SAMTOR: variants seen among roughly 807,000 people sequenced by gnomAD.
The protein encoded by SAMTOR is S-adenosylmethionine sensor upstream of mTORC1.
chr7:112,840,940 A>G, the SAMTOR span, among the ~76,000 whole-genome samples: 17 of 152,152 alleles, frequency 1.1e-4, no homozygotes, highest in African/African-American at 3.4e-4. Flanking sequence ...TCTCAAAATC[A>G]TAAGAGCTAT....
chr7:112,886,517 C>A, the SAMTOR span, among the ~76,000 whole-genome samples: 1 of 152,172 alleles, frequency 6.6e-6, no homozygotes, highest in Admixed American at 6.5e-5. Context: ...AGAAAGGAAA[C>A]AACCTAAATG....
At chr7:112,875,783 T>C in the SAMTOR span, among the ~76,000 whole-genome samples, 10 of 152,232 alleles carry the variant, frequency 6.6e-5, no homozygotes, top group Non-Finnish European at 1.5e-4. Flanking sequence ...TGTATCCCAC[T>C]GATGACTGAC....
chr7:112,856,094 T>C, the SAMTOR span, among the ~76,000 whole-genome samples: 1 of 152,080 alleles, frequency 6.6e-6, no homozygotes, highest in Non-Finnish European at 1.5e-5. Flanking sequence ...GCCATGAATA[T>C]AAACGAGTAT....
the SAMTOR span, among the ~76,000 whole-genome samples, chr7:112,902,416 C>CAAAAAAAAAACAA: frequency 4.9e-4 from 6 of 12,314 alleles, no homozygotes; most frequent in Non-Finnish European, 5.7e-4. Context: ...AACTCCGTCT[C>CAAAAAAAAAACAA]AAAAAAAAAA....
chr7:112,928,134 C>A, the SAMTOR span, among the ~76,000 whole-genome samples: 2 of 151,866 alleles, frequency 1.3e-5, no homozygotes, highest in Non-Finnish European at 2.9e-5. Context: ...AATGCAACTG[C>A]CTTTGTAAAA....
chr7:112,836,928 TC>T, the SAMTOR span, among the ~76,000 whole-genome samples: 46 of 152,082 alleles, frequency 3.0e-4, 1 homozygote, highest in Non-Finnish European at 6.2e-4. Context: ...TGATTTGGGC[TC>T]TTTTCTGGTT....
chr7:112,850,157 C>T, the SAMTOR span, among the ~76,000 whole-genome samples: 34,709 of 151,914 alleles, frequency 0.23, 4,567 homozygotes, highest in Middle Eastern at 0.43. Flanking sequence ...GCCAATATTG[C>T]GCCATTGCAC....
At chr7:112,820,074 G>A in the SAMTOR span, 3 of 152,352 alleles carry the variant, frequency 2.0e-5, no homozygotes, top group East Asian at 3.9e-4. Context: ...GAAAAATTTC[G>A]AGTTATTTGT....
At chr7:112,902,140 T>C in the SAMTOR span, among the ~76,000 whole-genome samples, 3 of 152,004 alleles carry the variant, frequency 2.0e-5, no homozygotes, top group South Asian at 6.2e-4. Context: ...TGGTGGCTCA[T>C]GCCTGTAATC....
the SAMTOR span, among the ~76,000 whole-genome samples, chr7:112,920,656 A>G: frequency 6.9e-6 from 1 of 144,534 alleles, no homozygotes; most frequent in Non-Finnish European, 1.5e-5. Context: ...GAGGAAGTCA[A>G]ATTGTCCCTG....
the SAMTOR span, among the ~76,000 whole-genome samples, chr7:112,888,345 A>T: frequency 2.6e-5 from 4 of 152,264 alleles, no homozygotes; most frequent in South Asian, 8.3e-4. Context: ...TTTATGGCCA[A>T]ATATGGTAGC....
At chr7:112,874,642 A>T in the SAMTOR span, among the ~76,000 whole-genome samples, 1 of 152,144 alleles carries the variant, frequency 6.6e-6, no homozygotes, top group Non-Finnish European at 1.5e-5. Context: ...AAATAAAGCA[A>T]CCAAGAGTAA....
the SAMTOR span, among the ~76,000 whole-genome samples, chr7:112,853,421 G>A: frequency 5.9e-5 from 9 of 151,400 alleles, no homozygotes; most frequent in Non-Finnish European, 1.2e-4. Context: ...CTTTACTCTC[G>A]CCCCCTTGAT....
chr7:112,822,309 G>T, the SAMTOR span: 1 of 1,613,310 alleles, frequency 6.2e-7, no homozygotes, highest in Non-Finnish European at 8.5e-7. Flanking sequence ...AGCATCTATA[G>T]CATCCTGTGC....
chr7:112,908,826 C>G, the SAMTOR span, among the ~76,000 whole-genome samples: 1 of 152,192 alleles, frequency 6.6e-6, no homozygotes, highest in South Asian at 2.1e-4. Flanking sequence ...CCTGCCCCAA[C>G]TCTGCTTACC....
the SAMTOR span, among the ~76,000 whole-genome samples, chr7:112,833,223 T>A: frequency 6.6e-6 from 1 of 152,208 alleles, no homozygotes; most frequent in Non-Finnish European, 1.5e-5. Flanking sequence ...AAAACTCCAC[T>A]CTACACTCAG....
chr7:112,893,497 C>T, the SAMTOR span, among the ~76,000 whole-genome samples: 1 of 152,186 alleles, frequency 6.6e-6, no homozygotes, highest in Non-Finnish European at 1.5e-5. Context: ...TAGACCCTTG[C>T]TCTGGATTAG....
At chr7:112,885,565 C>T in the SAMTOR span, among the ~76,000 whole-genome samples, 4 of 152,088 alleles carry the variant, frequency 2.6e-5, no homozygotes, top group African/African-American at 9.7e-5. Flanking sequence ...TACTCCAGTT[C>T]CCAACTAGTT....
chr7:112,923,792 C>T, the SAMTOR span, among the ~76,000 whole-genome samples: 1 of 152,026 alleles, frequency 6.6e-6, no homozygotes, highest in Non-Finnish European at 1.5e-5. Flanking sequence ...TGGAACCAAC[C>T]CAAATGTCCA....
Sources: allele counts gnomAD v4.1 joint callset (sites outside exome capture counted in the v4.1 genomes callset), GRCh38; gene constraint gnomAD v4.1.1; transcripts MANE v1.5; gene names NCBI Gene and HGNC (gene_info 2026-07-23, HGNC 2026-07-21).